LARP4B: variants seen among roughly 807,000 people sequenced by gnomAD.
LARP4B encodes La ribonucleoprotein 4B.
In LARP4B, 12 loss-of-function variants were observed where a neutral mutation model predicts 89.8. That is an observed-to-expected ratio of 0.13 (90% CI 0.09 to 0.22). The LOEUF (loss-of-function observed/expected upper bound fraction) is 0.22. LARP4B is among the 10% of genes least tolerant of loss of function. The pLI is 1.00. For synonymous variants in LARP4B, 367 were observed against 363.3 expected (o/e 1.01, Z -0.12); for missense variants, 757 against 947.7 (o/e 0.80, Z 2.64).
At position 826,454 on chromosome 10, in the gene LARP4B, A is replaced by T. The variant is rs572353658; in HGVS notation, c.1126-584T>A. ...ATATACTAACATAAGATTCAGAAGA[A>T]ATTAGAAAGGGTCACAGAACCCCTA... is the stretch of plus-strand genomic sequence containing the variant. On this transcript the variant is annotated intron_variant, in intron 11 of 17. Coordinates refer to ENST00000316157, the MANE Select transcript of LARP4B (RefSeq NM_015155.3). Among the ~76,000 whole-genome samples, 5 of 152,356 alleles carry T rather than the reference A, an allele frequency of 3.3e-5. No homozygotes were observed. In the South Asian group the frequency reaches 1.0e-3, roughly 32 times the overall value.
chr10:934,962 A>G (rs1311465666), upstream of LARP4B, among the ~76,000 whole-genome samples: 2 of 152,166 alleles, frequency 1.3e-5, no homozygotes, highest in African/African-American at 4.8e-5. Flanking sequence ...TCCTCCTGCA[A>G]TGCGACCTTC....
At chr10:885,789 T>G in intron 1 of LARP4B, 29 bp from the exon 2 acceptor site, 2 of 1,127,348 alleles carry the variant, frequency 1.8e-6, no homozygotes, top group Non-Finnish European at 2.7e-6. Flanking sequence ...ATTAAACAGG[T>G]CATTTGAAGG....
chr10:884,600 C>A, intron 2 of LARP4B, 94 bp from the exon 3 acceptor site: 2 of 734,436 alleles, frequency 2.7e-6, no homozygotes, highest in African/African-American at 1.8e-5. Flanking sequence ...CTAAACCCAC[C>A]AAGAAATGCA....
At chr10:906,527 G>A (rs934753154) in intron 1 of LARP4B, among the ~76,000 whole-genome samples, 3 of 152,178 alleles carry the variant, frequency 2.0e-5, no homozygotes, top group Non-Finnish European at 4.4e-5. Flanking sequence ...CACAGACAGC[G>A]TTGATCCTGG....
chr10:918,661 C>T (rs996421318), intron 1 of LARP4B, among the ~76,000 whole-genome samples: 5 of 145,374 alleles, frequency 3.4e-5, no homozygotes, highest in Non-Finnish European at 7.6e-5. Context: ...AAAAAAGTTT[C>T]AGGCAAACTA....
intron 8 of LARP4B, among the ~76,000 whole-genome samples, chr10:834,170 C>A (rs756124272): frequency 4.6e-5 from 7 of 152,084 alleles, no homozygotes; most frequent in Non-Finnish European, 8.8e-5. Flanking sequence ...ATTTGACAAC[C>A]AAATGAACTA....
chr10:880,183 G>A (rs550649628), intron 3 of LARP4B, among the ~76,000 whole-genome samples: 4 of 152,286 alleles, frequency 2.6e-5, no homozygotes, highest in Admixed American at 6.5e-5. Context: ...TACAAATACA[G>A]GAGTTGGATA....
intron 5 of LARP4B, among the ~76,000 whole-genome samples, chr10:852,783 G>A (rs1014513550): frequency 4.6e-5 from 7 of 152,090 alleles, no homozygotes; most frequent in African/African-American, 1.7e-4. Context: ...CAAAATTTCT[G>A]GGTTTGGACT....
intron 7 of LARP4B, among the ~76,000 whole-genome samples, chr10:837,696 G>A (rs1192814317): frequency 6.6e-6 from 1 of 152,204 alleles, no homozygotes; most frequent in African/African-American, 2.4e-5. Flanking sequence ...GTGGGGTGCT[G>A]CAACAGATGC....
the LARP4B span, among the ~76,000 whole-genome samples, chr10:965,804 A>G: frequency 6.6e-6 from 1 of 151,950 alleles, no homozygotes; most frequent in Admixed American, 6.6e-5. Context: ...TAACATGAGC[A>G]ATAAACAAGT....
At chr10:845,786 C>T (rs1246958368) in intron 5 of LARP4B, among the ~76,000 whole-genome samples, 2 of 152,164 alleles carry the variant, frequency 1.3e-5, no homozygotes. Flanking sequence ...AATAATGTTG[C>T]GATGACAGGC....
chr10:914,673 T>TA, intron 1 of LARP4B, among the ~76,000 whole-genome samples: 1 of 151,510 alleles, frequency 6.6e-6, no homozygotes, highest in Admixed American at 6.6e-5. Flanking sequence ...CGCATGCCTG[T>TA]AATCCCAGCC....
intron 5 of LARP4B, among the ~76,000 whole-genome samples, chr10:848,091 C>G (rs1050563034): frequency 4.6e-5 from 7 of 152,172 alleles, no homozygotes; most frequent in Non-Finnish European, 1.0e-4. Context: ...ACCCAAGGCT[C>G]GTGGAAGAAC....
chr10:922,233 A>G (rs571129936), intron 1 of LARP4B, among the ~76,000 whole-genome samples: 1 of 152,346 alleles, frequency 6.6e-6, no homozygotes, highest in South Asian at 2.1e-4. Context: ...ATCTAGCGCA[A>G]CTGCTCATCT....
intron 7 of LARP4B, among the ~76,000 whole-genome samples, chr10:840,552 A>G (rs1440364077): frequency 6.6e-6 from 1 of 152,248 alleles, no homozygotes; most frequent in East Asian, 1.9e-4. Context: ...CACTGTGTGT[A>G]TATAACACAA....
chr10:823,591 C>T (rs1832466070), intron 13 of LARP4B, among the ~76,000 whole-genome samples: 1 of 151,344 alleles, frequency 6.6e-6, no homozygotes. Flanking sequence ...GAGGCTGAGG[C>T]CGGGGGGCCT....
intron 3 of LARP4B, among the ~76,000 whole-genome samples, chr10:867,604 C>T (rs969004571): frequency 6.6e-6 from 1 of 151,960 alleles, no homozygotes; most frequent in Non-Finnish European, 1.5e-5. Flanking sequence ...CTTATGCCTG[C>T]GATCCCAGCA....
chr10:855,657 G>A (rs1296416296), intron 5 of LARP4B, among the ~76,000 whole-genome samples: 1 of 152,076 alleles, frequency 6.6e-6, no homozygotes, highest in Non-Finnish European at 1.5e-5. Flanking sequence ...TAATGAAAAG[G>A]CTTAAAATAT....
chr10:917,113 A>G (rs1038238299), intron 1 of LARP4B, among the ~76,000 whole-genome samples: 2 of 152,222 alleles, frequency 1.3e-5, no homozygotes, highest in African/African-American at 4.8e-5. Flanking sequence ...CTAACTCTGT[A>G]TATCAAGCAG....
Sources: gnomAD v4.1 joint callset for allele counts (sites outside exome capture counted in the v4.1 genomes callset) on GRCh38, gnomAD v4.1.1 for gene constraint, MANE v1.5 for transcripts, NCBI Gene and HGNC (gene_info 2026-07-23, HGNC 2026-07-21) for gene names.